RNF128: variants seen among roughly 807,000 people sequenced by gnomAD.
RNF128 encodes ring finger protein 128.
Under a neutral mutation model 26.2 loss-of-function variants are expected in RNF128, and 13 were observed. That is an observed-to-expected ratio of 0.50 (90% CI 0.32 to 0.79). RNF128 has a LOEUF of 0.79. RNF128 is among the 30% of genes least tolerant of loss of function. The pLI is 0.03. For missense variants in RNF128, 315 were observed against 349.7 expected, an observed-to-expected ratio of 0.90 and a Z score of 0.79; for synonymous variants, 149 against 142.5, an observed-to-expected ratio of 1.05 and a Z score of -0.32.
chrX:106,795,468 A>G, intron 6 of RNF128, 112 bp from the exon 7 acceptor site: 1 of 637,744 alleles, frequency 1.6e-6, no homozygotes. Flanking sequence ...GAATATGGTA[A>G]TCAGTGTATG....
chrX:106,780,615 A>G (rs1930549108), intron 2 of RNF128, among the ~76,000 whole-genome samples: 1 of 112,259 alleles, frequency 8.9e-6, no homozygotes, highest in South Asian at 3.7e-4. Flanking sequence ...AAATCACAGT[A>G]AATAGCCAGT....
At chrX:106,697,063 G>C (rs1238257166) in intron 1 of RNF128, among the ~76,000 whole-genome samples, 2 of 111,789 alleles carry the variant, frequency 1.8e-5, no homozygotes, top group Non-Finnish European at 3.8e-5. Flanking sequence ...ATTGTGACAA[G>C]TTGGCCACCC....
intron 1 of RNF128, among the ~76,000 whole-genome samples, chrX:106,750,742 A>G (rs1331220243): frequency 9.0e-6 from 1 of 111,348 alleles, no homozygotes; most frequent in Non-Finnish European, 1.9e-5. Context: ...ATCACACAAA[A>G]AAAAAGAGAG....
At chrX:106,762,471 G>A (rs772081684) in intron 1 of RNF128, among the ~76,000 whole-genome samples, 14 of 110,374 alleles carry the variant, frequency 1.3e-4, no homozygotes, top group African/African-American at 4.3e-4. Context: ...GCACTGCCAC[G>A]CCTGGCTAAT....
chrX:106,728,092 A>G (rs1929438147), intron 1 of RNF128, among the ~76,000 whole-genome samples: 1 of 111,873 alleles, frequency 8.9e-6, no homozygotes, highest in Non-Finnish European at 1.9e-5. Context: ...TTTGGAAAAA[A>G]AAATAGTCCA....
In RNF128 at chrX:106,732,046, T is replaced by C. The variant is rs187530575; in HGVS notation, c.484+4649T>C. ...CTGATCCCAAACTACATTCAAAGCT[T>C]TATATGTCTCTTCTTTCATGTTGGT... On this transcript the variant is annotated intron_variant, in intron 1 of 6. Transcript: ENST00000255499. 2.7e-4 allele frequency among the ~76,000 whole-genome samples: 30 copies of C among 111,697 alleles called. No individual in the cohort carries two copies. In the East Asian group the frequency reaches 8.1e-3, roughly 30 times the overall value.
rs191386019 is a variant in RNF128, at chrX:106,719,657, T to C, written c.406+25249T>C. Among the ~76,000 whole-genome samples the C allele has an allele frequency of 6.2e-3, 692 of 111,929 alleles. 4 individuals are homozygous for C. Among genetic ancestry groups the C allele is most frequent in the Non-Finnish European group, 0.01 (536 of 53,225 alleles). On this transcript the variant is annotated intron_variant, in intron 1 of 6. Transcript: ENST00000324342. ...CAAGATCATAGATATTTATTTTAGA[T>C]ATACTATCTGATTTGTTAGGCTTTC... is the stretch of plus-strand genomic sequence containing the variant.
intron 1 of RNF128, among the ~76,000 whole-genome samples, chrX:106,756,090 T>C (rs1294117161): frequency 2.7e-5 from 3 of 110,435 alleles, no homozygotes; most frequent in Non-Finnish European, 5.7e-5. Flanking sequence ...TAAAAGAGGA[T>C]ACAAACAAAT....
chrX:106,716,602 C>T (rs12014636), intron 1 of RNF128, among the ~76,000 whole-genome samples: 18,405 of 109,901 alleles, frequency 0.17, 3,864 homozygotes, highest in African/African-American at 0.59. Flanking sequence ...AATTATACCT[C>T]AACAAAAACG....
chrX:106,789,097 ATATATACTATATACTATATATAC>A (rs1315570666), intron 4 of RNF128, among the ~76,000 whole-genome samples: 1 of 85,613 alleles, frequency 1.2e-5, no homozygotes, highest in East Asian at 3.4e-4. Context: ...TATATAGTAT[ATATATACTATATACTATATATAC>A]TATATACTAT....
intron 1 of RNF128, among the ~76,000 whole-genome samples, chrX:106,745,835 AT>A (rs961762275): frequency 3.7e-5 from 4 of 108,910 alleles, no homozygotes; most frequent in Admixed American, 2.0e-4. Flanking sequence ...AAAAGTTTAG[AT>A]TTTTTTTTTC....
chrX:106,715,068 A>G (rs1422193093), intron 1 of RNF128, among the ~76,000 whole-genome samples: 1 of 111,951 alleles, frequency 8.9e-6, no homozygotes, highest in Non-Finnish European at 1.9e-5. Flanking sequence ...ATAAAGGTCC[A>G]TGACTGAAAT....
intron 1 of RNF128, 41 bp from the exon 2 acceptor site, chrX:106,772,872 A>G (rs1245903767): frequency 8.5e-7 from 1 of 1,175,190 alleles, no homozygotes; most frequent in Admixed American, 2.4e-5. Context: ...TATACTAAGA[A>G]TGTTTCACCA....
chrX:106,767,442 T>G (rs1158715540), intron 1 of RNF128, among the ~76,000 whole-genome samples: 3 of 111,771 alleles, frequency 2.7e-5, no homozygotes, highest in Non-Finnish European at 5.6e-5. Context: ...CCTTTTTAAG[T>G]TAGATTCCTA....
Position 106,791,226 on chromosome X carries a change from A to G in RNF128, c.1145A>G (p.Gln382Arg). ...TDEPPLEEHV[Q>R]STNESLQLVN... ...GAACCGCCTCTGGAGGAACACGTGC[A>G]GTCAACAAGTAAGCATCATACTAAA... The change falls in exon 6 of 7, where the codon CAG (glutamine) becomes CGG (arginine). Residue 382 changes from glutamine (Q) to arginine (R), a missense_variant. Gln to Arg is a conservative substitution (Grantham distance 43, BLOSUM62 1). Transcript: ENST00000255499. The G allele has an allele frequency of 1.7e-6, 2 of 1,207,796 alleles. No homozygotes were observed. Among genetic ancestry groups the G allele is most frequent in the Non-Finnish European group, 2.2e-6 (2 of 893,119 alleles).
chrX:106,752,403 TG>T (rs1929910416), intron 1 of RNF128, among the ~76,000 whole-genome samples: 1 of 112,426 alleles, frequency 8.9e-6, no homozygotes, highest in Non-Finnish European at 1.9e-5. Flanking sequence ...ACATTCTGCC[TG>T]GTAATCCAGG....
At chrX:106,788,450 TAA>T (rs1339428916) in intron 4 of RNF128, among the ~76,000 whole-genome samples, 1 of 49,931 alleles carries the variant, frequency 2.0e-5, no homozygotes, top group Non-Finnish European at 3.3e-5. Flanking sequence ...ATTATAATTA[TAA>T]TATATATAAT....
intron 1 of RNF128, among the ~76,000 whole-genome samples, chrX:106,734,752 G>A (rs962550208): frequency 2.7e-5 from 3 of 111,831 alleles, no homozygotes; most frequent in East Asian, 2.8e-4. Flanking sequence ...AGCACCTCAC[G>A]CTCCAATATG....
At chrX:106,753,682 C>A (rs187813544) in intron 1 of RNF128, among the ~76,000 whole-genome samples, 1 of 111,488 alleles carries the variant, frequency 9.0e-6, no homozygotes, top group Admixed American at 9.5e-5. Context: ...CATTAAAAAG[C>A]CCCAACTAGC....
Sources: gnomAD v4.1 joint callset for allele counts (sites outside exome capture counted in the v4.1 genomes callset) on GRCh38, gnomAD v4.1.1 for gene constraint, MANE v1.5 for transcripts, NCBI Gene and HGNC (gene_info 2026-07-23, HGNC 2026-07-21) for gene names.